ALPK1: variants seen among roughly 807,000 people sequenced by gnomAD.
ALPK1 encodes the protein alpha-protein kinase 1.
In ALPK1, 110 loss-of-function variants were observed where a neutral mutation model predicts 120.6. That is an observed-to-expected ratio of 0.91 (90% CI 0.78 to 1.07). The LOEUF (loss-of-function observed/expected upper bound fraction) is 1.07. Ranked by LOEUF, ALPK1 falls within the 50% of genes least tolerant of loss-of-function variation. The pLI is 0.00. For synonymous variants in ALPK1, 582 were observed against 560.3 expected (o/e 1.04, Z -0.55); for missense variants, 1,498 against 1,483.9 (o/e 1.01, Z -0.16).
chr4:112,306,121 CT>C (rs1578445961), intron 1 of ALPK1, among the ~76,000 whole-genome samples: 1 of 152,030 alleles, frequency 6.6e-6, no homozygotes, highest in African/African-American at 2.4e-5. Flanking sequence ...GGTGGATAAG[CT>C]TTTTGATGCA....
chr4:112,348,713 C>T (rs1298086836), intron 2 of ALPK1, among the ~76,000 whole-genome samples: 3 of 152,236 alleles, frequency 2.0e-5, no homozygotes, highest in South Asian at 2.1e-4. Flanking sequence ...CAAGACCCAT[C>T]GGCTGCTGGT....
intron 4 of ALPK1, among the ~76,000 whole-genome samples, chr4:112,394,607 C>CT (rs1227145446): frequency 6.6e-6 from 1 of 152,144 alleles, no homozygotes; most frequent in Non-Finnish European, 1.5e-5. Flanking sequence ...AAAAACTGCC[C>CT]TTTTAATATA....
At chr4:112,408,316 T>C (rs1196984026) in intron 4 of ALPK1, among the ~76,000 whole-genome samples, 2 of 152,124 alleles carry the variant, frequency 1.3e-5, no homozygotes, top group Non-Finnish European at 2.9e-5. Context: ...AGACAGTAGC[T>C]GAAGATACAA....
Position 112,320,897 on chromosome 4 carries a change from CTT to C in ALPK1, c.-101+5061_-101+5062del, listed in dbSNP as rs397941407. On this transcript the variant is annotated intron_variant, in intron 2 of 15. Transcript: ENST00000650871. ...TGGTTGTAATATCACCCATTTCTTT[CTT>C]TTTTTTTTTTTTTTTGAGACGGAGT... Among the ~76,000 whole-genome samples the C allele has an allele frequency of 8.9e-5, 11 of 123,580 alleles. No individual in the cohort carries two copies. The South Asian group carries it at 1.3e-3, about 14-fold the overall frequency. 81.1% of individuals were successfully genotyped at this position (123,580 alleles called of 152,430 possible).
At chr4:112,343,681 A>T (rs1729974638) in intron 2 of ALPK1, 1 of 152,186 alleles carries the variant, frequency 6.6e-6, no homozygotes, top group African/African-American at 2.4e-5. Context: ...CCATCTCCAA[A>T]CACAAACACT....
intron 4 of ALPK1, among the ~76,000 whole-genome samples, chr4:112,400,584 C>T (rs879926954): frequency 6.6e-6 from 1 of 152,128 alleles, no homozygotes; most frequent in Non-Finnish European, 1.5e-5. Context: ...GCCATTTTCA[C>T]TTGCTTAGGT....
chr4:112,311,901 C>A (rs188001367), intron 1 of ALPK1, among the ~76,000 whole-genome samples: 1 of 152,240 alleles, frequency 6.6e-6, no homozygotes, highest in East Asian at 1.9e-4. Context: ...GAAGATAGCA[C>A]GTGTAGAAAC....
At chr4:112,325,297 C>T (rs371928124) in intron 2 of ALPK1, among the ~76,000 whole-genome samples, 1 of 152,158 alleles carries the variant, frequency 6.6e-6, no homozygotes, top group East Asian at 1.9e-4. Context: ...TCCCATTTAC[C>T]AGCCATGATT....
intron 4 of ALPK1, among the ~76,000 whole-genome samples, chr4:112,406,698 A>G (rs183040837): frequency 1.8e-4 from 27 of 152,004 alleles, no homozygotes; most frequent in Admixed American, 1.0e-3. Context: ...TAGAAATATT[A>G]CTCTAACCTT....
intron 2 of ALPK1, among the ~76,000 whole-genome samples, chr4:112,361,154 C>G (rs188199238): frequency 2.9e-4 from 44 of 152,124 alleles, no homozygotes; most frequent in African/African-American, 1.0e-3. Flanking sequence ...CATTTGTGAA[C>G]TTTTACTCCA....
At chr4:112,349,137 A>T (rs1237263574) in intron 2 of ALPK1, among the ~76,000 whole-genome samples, 2 of 152,176 alleles carry the variant, frequency 1.3e-5, no homozygotes, top group Non-Finnish European at 2.9e-5. Flanking sequence ...TAACATTTCA[A>T]TTATTGAACA....
chr4:112,399,097 A>G (rs962537144), intron 4 of ALPK1, among the ~76,000 whole-genome samples: 1 of 152,228 alleles, frequency 6.6e-6, no homozygotes, highest in Non-Finnish European at 1.5e-5. Flanking sequence ...AAAGAGAAAC[A>G]GGATGGTATT....
intron 11 of ALPK1, 128 bp downstream of exon 11, chr4:112,432,709 A>C: frequency 1.1e-6 from 1 of 874,078 alleles, no homozygotes; most frequent in Admixed American, 2.7e-5. Flanking sequence ...TTGTGAGTTC[A>C]CAGAGAAATG....
At chr4:112,398,002 G>A (rs1006842874) in intron 4 of ALPK1, among the ~76,000 whole-genome samples, 8 of 152,132 alleles carry the variant, frequency 5.3e-5, no homozygotes, top group African/African-American at 1.4e-4. Flanking sequence ...AAGCAGAGTC[G>A]AGAGATAGTG....
intron 4 of ALPK1, among the ~76,000 whole-genome samples, chr4:112,394,705 G>C (rs1485890456): frequency 6.6e-6 from 1 of 152,290 alleles, no homozygotes; most frequent in East Asian, 1.9e-4. Context: ...ACAGAATCAG[G>C]CATGCAAGTT....
intron 2 of ALPK1, chr4:112,358,825 C>A: frequency 1.2e-6 from 1 of 813,382 alleles, no homozygotes; most frequent in Middle Eastern, 2.2e-4. Flanking sequence ...GCCAACTTTG[C>A]CACCTTCACC....
intron 2 of ALPK1, among the ~76,000 whole-genome samples, chr4:112,354,473 T>TC (rs1730507808): frequency 1.3e-5 from 2 of 152,078 alleles, no homozygotes; most frequent in African/African-American, 2.4e-5. Flanking sequence ...TTTGTTTTTG[T>TC]TTTTTGTTTT....
chr4:112,330,337 A>G (rs1729311973), intron 2 of ALPK1, among the ~76,000 whole-genome samples: 1 of 152,222 alleles, frequency 6.6e-6, no homozygotes, highest in Non-Finnish European at 1.5e-5. Context: ...CAGTTTTATA[A>G]AAGTACCTAC....
chr4:112,384,231 T>G (rs1484519655), intron 4 of ALPK1: 1 of 152,130 alleles, frequency 6.6e-6, no homozygotes, highest in African/African-American at 2.4e-5. Flanking sequence ...CAATTCTCCA[T>G]CAGGAAGCAC....
Sources: allele counts gnomAD v4.1 joint callset (sites outside exome capture counted in the v4.1 genomes callset), GRCh38; gene constraint gnomAD v4.1.1; transcripts MANE v1.5; gene names NCBI Gene and HGNC (gene_info 2026-07-23, HGNC 2026-07-21).